The following MAPK10 variants were observed in gnomAD, a reference collection of about 807,000 sequenced individuals.
The protein encoded by MAPK10 is mitogen-activated protein kinase 10.
MAPK10 carries 25 observed loss-of-function variants against 59.3 expected under a neutral mutation model. The ratio of observed to expected loss-of-function variants is 0.42; its 90% CI spans 0.31 to 0.59. The LOEUF (loss-of-function observed/expected upper bound fraction) is 0.59. Among genes scored for constraint, MAPK10 ranks in the 20% least tolerant of loss-of-function variants. MAPK10 has a pLI of 0.15. For missense variants in MAPK10, 351 were observed against 568.9 expected (o/e 0.62, Z 3.90); for synonymous variants, 190 against 200.5 (o/e 0.95, Z 0.44).
At chr4:86,190,595 C>T (rs557091718) in intron 3 of MAPK10, among the ~76,000 whole-genome samples, 1 of 152,040 alleles carries the variant, frequency 6.6e-6, no homozygotes, top group Non-Finnish European at 1.5e-5. Flanking sequence ...GGTGATATCC[C>T]CTTCTTCATT....
chr4:86,586,120 T>A (rs764865415), intron 1 of MAPK10, among the ~76,000 whole-genome samples: 1 of 152,204 alleles, frequency 6.6e-6, no homozygotes, highest in Non-Finnish European at 1.5e-5. Flanking sequence ...AATTACTTAG[T>A]ATATGTTCTA....
intron 9 of MAPK10, among the ~76,000 whole-genome samples, chr4:86,070,469 C>A (rs1327484261): frequency 2.0e-5 from 3 of 150,238 alleles, no homozygotes; most frequent in Admixed American, 6.7e-5. Context: ...TATACATGTG[C>A]CATGCTGGTG....
chr4:86,399,334 T>C (rs1448703701), intron 1 of MAPK10, among the ~76,000 whole-genome samples: 1 of 152,216 alleles, frequency 6.6e-6, no homozygotes, highest in African/African-American at 2.4e-5. Context: ...ATGGTTTTGA[T>C]TTTCATTTCT....
chr4:86,136,474 C>A (rs918458395), intron 4 of MAPK10, among the ~76,000 whole-genome samples: 1 of 150,298 alleles, frequency 6.7e-6, no homozygotes, highest in Non-Finnish European at 1.5e-5. Flanking sequence ...ACTTTACAGA[C>A]AAGCAAATGC....
chr4:86,216,542 C>T (rs1036829363), intron 2 of MAPK10, among the ~76,000 whole-genome samples: 1 of 151,474 alleles, frequency 6.6e-6, no homozygotes, highest in Non-Finnish European at 1.5e-5. Context: ...CAATGCCATA[C>T]CTAAGAACTT....
intron 9 of MAPK10, among the ~76,000 whole-genome samples, chr4:86,095,950 C>T (rs142876819): frequency 7.9e-5 from 12 of 151,794 alleles, no homozygotes; most frequent in Middle Eastern, 6.8e-3. Flanking sequence ...AAAATATCTA[C>T]TCATTTTTTG....
chr4:86,442,233 T>C (rs1327166722), intron 1 of MAPK10, among the ~76,000 whole-genome samples: 2 of 152,214 alleles, frequency 1.3e-5, no homozygotes, highest in Non-Finnish European at 2.9e-5. Context: ...ATCCATATAA[T>C]GTTATTTTTC....
intron 1 of MAPK10, among the ~76,000 whole-genome samples, chr4:86,355,049 G>A (rs1170473336): frequency 6.6e-6 from 1 of 152,068 alleles, no homozygotes; most frequent in East Asian, 1.9e-4. Context: ...AATAAAGGAG[G>A]AGAATTTTGA....
At chr4:86,172,654 G>A (rs568687020) in intron 3 of MAPK10, among the ~76,000 whole-genome samples, 3 of 150,938 alleles carry the variant, frequency 2.0e-5, no homozygotes, top group African/African-American at 7.3e-5. Context: ...CAGCACACCA[G>A]CATGGCACGT....
intron 4 of MAPK10, among the ~76,000 whole-genome samples, chr4:86,122,146 G>A (rs528103447): frequency 6.6e-6 from 1 of 152,230 alleles, no homozygotes; most frequent in African/African-American, 2.4e-5. Context: ...AGCCAAGTGA[G>A]GACTGTAAGG....
At chr4:86,489,354 C>T (rs1225147572) in intron 1 of MAPK10, among the ~76,000 whole-genome samples, 1 of 151,958 alleles carries the variant, frequency 6.6e-6, no homozygotes, top group Non-Finnish European at 1.5e-5. Context: ...CCTGGCTGTC[C>T]GTCTTCATCC....
At chr4:86,381,206 G>T (rs1424035621) in intron 1 of MAPK10, among the ~76,000 whole-genome samples, 1 of 152,174 alleles carries the variant, frequency 6.6e-6, no homozygotes, top group Non-Finnish European at 1.5e-5. Context: ...GAAGCTGTTT[G>T]CCCTTTCCAG....
intron 2 of MAPK10, among the ~76,000 whole-genome samples, chr4:86,281,038 C>G (rs144409776): frequency 1.3e-5 from 2 of 152,242 alleles, no homozygotes; most frequent in South Asian, 4.2e-4. Flanking sequence ...CCCCAAACCT[C>G]AGCATATACA....
chr4:86,195,584 T>TA (rs145698256), intron 2 of MAPK10, among the ~76,000 whole-genome samples: 12,934 of 152,234 alleles, frequency 0.085, 1,221 homozygotes, highest in African/African-American at 0.23. Flanking sequence ...TGTATTTTTT[T>TA]ATTATACTTT....
rs190386272 is a variant in MAPK10 at position 86,381,268 on chromosome 4, A to G, written c.-121-26624T>C. Among the ~76,000 whole-genome samples, 3 of 152,214 alleles carry G rather than the reference A, an allele frequency of 2.0e-5. No individual in the cohort carries two copies. In the East Asian group the frequency reaches 5.8e-4, roughly 29 times the overall value. On this transcript the variant is annotated intron_variant, in intron 1 of 13. Coordinates refer to the MAPK10 transcript ENST00000361569. The stretch of plus-strand genomic sequence containing the variant: ...TTCACTACCCTCCTGGCCTTGTAAC[A>G]TGGAAGTTTGTGTTTCCCAAACTAC...
intron 9 of MAPK10, chr4:86,089,487 C>T (rs959024861): frequency 2.3e-4 from 39 of 171,462 alleles, no homozygotes; most frequent in Non-Finnish European, 4.3e-4. Flanking sequence ...ACAGAAATAA[C>T]AACACTACCC....
At chr4:86,368,162 G>A (rs1738208932) in intron 1 of MAPK10, among the ~76,000 whole-genome samples, 1 of 152,132 alleles carries the variant, frequency 6.6e-6, no homozygotes, top group Non-Finnish European at 1.5e-5. Flanking sequence ...CTTCATGTAA[G>A]AAAAGGGGTC....
At chr4:86,428,694 TCA>T (rs1747634677) in intron 1 of MAPK10, among the ~76,000 whole-genome samples, 3 of 152,196 alleles carry the variant, frequency 2.0e-5, no homozygotes, top group Non-Finnish European at 4.4e-5. Flanking sequence ...GGTATATTTA[TCA>T]GAGTCCTTCC....
intron 2 of MAPK10, among the ~76,000 whole-genome samples, chr4:86,350,405 G>A (rs1730680224): frequency 6.6e-6 from 1 of 152,124 alleles, no homozygotes; most frequent in African/African-American, 2.4e-5. Flanking sequence ...TAGTAGAGAT[G>A]GGGTTTCACC....
Sources: allele counts gnomAD v4.1 joint callset (sites outside exome capture counted in the v4.1 genomes callset), GRCh38; gene constraint gnomAD v4.1.1; transcripts MANE v1.5; gene names NCBI Gene and HGNC (gene_info 2026-07-23, HGNC 2026-07-21).